CDH13: variants seen among roughly 807,000 people sequenced by gnomAD.
CDH13 encodes the protein cadherin 13, also known as cadherin-13.
Under a neutral mutation model 63.8 loss-of-function variants are expected in CDH13, and 24 were observed. That is an observed-to-expected ratio of 0.38 (90% CI 0.27 to 0.53). The LOEUF (loss-of-function observed/expected upper bound fraction) is 0.53. CDH13 is among the 20% of genes least tolerant of loss of function. The probability of loss-of-function intolerance (pLI) is 0.85; values close to 1 mark genes in which losing one functional copy is unlikely to be tolerated. For missense variants in CDH13, 1,049 were observed against 903.1 expected (o/e 1.16, Z -2.07); for synonymous variants, 503 against 355.3 (o/e 1.42, Z -4.67).
chr16:83,645,040 C>T (rs1673425660), intron 8 of CDH13, among the ~76,000 whole-genome samples: 1 of 152,198 alleles, frequency 6.6e-6, no homozygotes, highest in South Asian at 2.1e-4. Flanking sequence ...ATGCTCACAT[C>T]CACTCCCAAA....
At chr16:83,616,672 A>G (rs1001165294) in intron 8 of CDH13, among the ~76,000 whole-genome samples, 1 of 152,232 alleles carries the variant, frequency 6.6e-6, no homozygotes, top group Non-Finnish European at 1.5e-5. Flanking sequence ...GTGCAGAATG[A>G]GAACACAGGA....
intron 6 of CDH13, among the ~76,000 whole-genome samples, chr16:83,466,764 TGC>T (rs1240563614): frequency 6.6e-6 from 1 of 152,216 alleles, no homozygotes; most frequent in African/African-American, 2.4e-5. Flanking sequence ...CCCAAGGGTA[TGC>T]TTAAGTCACT....
intron 7 of CDH13, among the ~76,000 whole-genome samples, chr16:83,506,581 C>T (rs901039967): frequency 2.6e-5 from 4 of 152,200 alleles, no homozygotes; most frequent in Non-Finnish European, 4.4e-5. Context: ...TAGCCAGCCC[C>T]CAGGAGGGCT....
At chr16:83,563,311 C>T (rs2075740066) in intron 7 of CDH13, among the ~76,000 whole-genome samples, 2 of 152,324 alleles carry the variant, frequency 1.3e-5, no homozygotes, top group East Asian at 1.9e-4. Flanking sequence ...AGATTTTAAG[C>T]AGTCATGGAA....
intron 5 of CDH13, among the ~76,000 whole-genome samples, chr16:83,335,607 T>G (rs746812896): frequency 1.4e-4 from 21 of 152,024 alleles, no homozygotes; most frequent in Non-Finnish European, 1.9e-4. Context: ...AAGGCAGAAA[T>G]GAAATCCGCA....
chr16:82,655,234 A>G (rs1429804638), intron 1 of CDH13, among the ~76,000 whole-genome samples: 1 of 152,256 alleles, frequency 6.6e-6, no homozygotes, highest in African/African-American at 2.4e-5. Context: ...AGAGGCAAAC[A>G]GTAAAGAAAA....
intron 10 of CDH13, among the ~76,000 whole-genome samples, chr16:83,710,827 T>G (rs1907928984): frequency 6.6e-6 from 1 of 152,182 alleles, no homozygotes; most frequent in South Asian, 2.1e-4. Context: ...GGGAGAGGGC[T>G]GCAACTCGGG....
chr16:83,250,239 A>T (rs931085036), intron 5 of CDH13, among the ~76,000 whole-genome samples: 1 of 152,224 alleles, frequency 6.6e-6, no homozygotes, highest in African/African-American at 2.4e-5. Flanking sequence ...CCCAATGAGC[A>T]TTCAAAAAAG....
chr16:83,218,727 G>C (rs965180310), intron 5 of CDH13, among the ~76,000 whole-genome samples: 64 of 152,250 alleles, frequency 4.2e-4, no homozygotes, highest in African/African-American at 1.5e-3. Flanking sequence ...AAGAGCTGTG[G>C]GATCTGATAT....
chr16:83,216,228 G>A (rs1225263574), intron 4 of CDH13, among the ~76,000 whole-genome samples: 5 of 151,012 alleles, frequency 3.3e-5, no homozygotes, highest in Admixed American at 6.6e-5. Context: ...ATTCAGAAAC[G>A]ACAGTGTTGT....
intron 2 of CDH13, among the ~76,000 whole-genome samples, chr16:82,996,555 C>T (rs372692364): frequency 1.3e-5 from 2 of 152,152 alleles, no homozygotes; most frequent in African/African-American, 4.8e-5. Flanking sequence ...ACATTGAAAT[C>T]AGCAAAAACA....
chr16:82,893,883 C>T (rs1259824452), intron 2 of CDH13, among the ~76,000 whole-genome samples: 1 of 152,180 alleles, frequency 6.6e-6, no homozygotes, highest in Non-Finnish European at 1.5e-5. Flanking sequence ...TCCACTGGTC[C>T]AAGTGACATC....
intron 6 of CDH13, among the ~76,000 whole-genome samples, chr16:83,443,281 G>C (rs2072537495): frequency 6.6e-6 from 1 of 152,154 alleles, no homozygotes; most frequent in Non-Finnish European, 1.5e-5. Flanking sequence ...ACGCCTCTGA[G>C]AAAGAGGCTG....
At chr16:82,776,146 G>T (rs900803163) in intron 1 of CDH13, among the ~76,000 whole-genome samples, 2 of 151,392 alleles carry the variant, frequency 1.3e-5, no homozygotes, top group Non-Finnish European at 2.9e-5. Flanking sequence ...GGAGGCAGAG[G>T]TTGCAGTGAG....
chr16:83,555,179 T>C (rs970800267), intron 7 of CDH13, among the ~76,000 whole-genome samples: 1 of 152,322 alleles, frequency 6.6e-6, no homozygotes, highest in East Asian at 1.9e-4. Context: ...TTTTTCCATG[T>C]TGCAGAGTGA....
intron 10 of CDH13, among the ~76,000 whole-genome samples, chr16:83,733,637 C>G (rs990918347): frequency 2.0e-5 from 3 of 152,142 alleles, no homozygotes; most frequent in African/African-American, 7.2e-5. Flanking sequence ...TCAGCTTGGT[C>G]TGAGCTGGAC....
chr16:82,674,634 G>T (rs1372460883), intron 1 of CDH13, among the ~76,000 whole-genome samples: 1 of 152,098 alleles, frequency 6.6e-6, no homozygotes, highest in East Asian at 1.9e-4. Context: ...CATAGATGGT[G>T]GATATTTAAA....
rs1354618729 is a variant in CDH13 at position 83,006,928 on chromosome 16, G to GTTTT, written c.158-25079_158-25078insTTTT. 4.1e-3 allele frequency among the ~76,000 whole-genome samples: 524 copies of GTTTT among 128,066 alleles called. 11 individuals are homozygous for GTTTT. The highest frequency in any genetic ancestry group is 0.014 in the African/African-American group (504 of 34,892). 84.0% of individuals were successfully genotyped at this position (128,066 alleles called of 152,430 possible). A position where few individuals can be genotyped will look rare whatever the true frequency, so the allele number is the denominator to read the frequency against. On this transcript the variant is annotated intron_variant, in intron 2 of 13. Transcript: ENST00000567109. The stretch of plus-strand genomic sequence containing the variant: ...TTTTTGTTTGTTTGTTTGTTTGTTT[G>GTTTT]TTTGTTTTTTTTGAGACAGAGTTTC...
chr16:83,336,484 C>A (rs560461126), intron 5 of CDH13, among the ~76,000 whole-genome samples: 31 of 152,172 alleles, frequency 2.0e-4, no homozygotes, highest in Non-Finnish European at 3.5e-4. Flanking sequence ...AATACTTATT[C>A]AGGTGAGAGA....
Sources: gnomAD v4.1 joint callset for allele counts (sites outside exome capture counted in the v4.1 genomes callset) on GRCh38, gnomAD v4.1.1 for gene constraint, MANE v1.5 for transcripts, NCBI Gene and HGNC (gene_info 2026-07-23, HGNC 2026-07-21) for gene names.